Variants in SEC14L5 observed in about 807,000 individuals in gnomAD.
SEC14L5 encodes the protein SEC14 like lipid binding 5, also known as SEC14-like protein 5.
SEC14L5 carries 96 observed loss-of-function variants against 84.6 expected under a neutral mutation model. The observed-to-expected ratio is 1.13, with a 90% CI of 0.96 to 1.34. The LOEUF (loss-of-function observed/expected upper bound fraction) is 1.34. Ranked by LOEUF, SEC14L5 falls within the 40% of genes most tolerant of loss-of-function variation. The pLI is 0.00. For synonymous variants in SEC14L5, 546 were observed against 383.4 expected (o/e 1.42, Z -4.95); for missense variants, 1,224 against 942.5 (o/e 1.30, Z -3.91).
intron 6 of SEC14L5, among the ~76,000 whole-genome samples, chr16:4,994,825 A>T (rs561338897): frequency 6.6e-6 from 1 of 152,068 alleles, no homozygotes; most frequent in Admixed American, 6.6e-5. Context: ...ACAGGCACTC[A>T]GGGTGGCGGG....
At chr16:4,963,792 G>C (rs1955159559) in intron 2 of SEC14L5, among the ~76,000 whole-genome samples, 1 of 152,150 alleles carries the variant, frequency 6.6e-6, no homozygotes, top group African/African-American at 2.4e-5. Flanking sequence ...TACAGCCTTA[G>C]CTGGGAGTAC....
At chr16:5,013,722 C>G (rs59544550) in intron 15 of SEC14L5, among the ~76,000 whole-genome samples, 1 of 151,914 alleles carries the variant, frequency 6.6e-6, no homozygotes, top group South Asian at 2.1e-4. Context: ...CCACCCCTGG[C>G]TAATTTTTAT....
Position 5,016,891 on chromosome 16 carries a change from G to A in SEC14L5, c.*1921G>A, listed in dbSNP as rs1244773981. On this transcript the variant is annotated 3_prime_UTR_variant, in exon 16 of 16. Coordinates refer to ENST00000251170, the MANE Select transcript of SEC14L5 (RefSeq NM_014692.2). ...AACAAAATAGATTGCTTTGCACTCT[G>A]CGTCAAGGTGTGTGTGCACATGTGT... 6.6e-6 allele frequency: 1 copy of A among 152,196 alleles called. No homozygotes were observed. Among genetic ancestry groups the A allele is most frequent in the Non-Finnish European group, 1.5e-5 (1 of 68,044 alleles). 9.4% of individuals were successfully genotyped at this position (152,196 alleles called of 1,614,324 possible). A position where few individuals can be genotyped will look rare whatever the true frequency, so the allele number is the denominator to read the frequency against.
At chr16:5,006,273 C>A (rs1406419782) in intron 12 of SEC14L5, among the ~76,000 whole-genome samples, 2 of 152,194 alleles carry the variant, frequency 1.3e-5, no homozygotes, top group African/African-American at 4.8e-5. Flanking sequence ...TACTCTGGGT[C>A]CTTCAAACAT....
Position 5,000,678 on chromosome 16 carries a change from C to T in SEC14L5, c.994C>T (p.Arg332Cys), listed in dbSNP as rs190435131. The stretch of plus-strand genomic sequence containing the variant: ...AGATGGCCGCCCCCTCTACATCCTC[C>T]GCCTGGGCCAGATGGACACCAAAGG... Reference protein sequence around the residue: ...DIDGRPLYILRLGQMDTKGLM... With the variant: ...DIDGRPLYILCLGQMDTKGLM... Residue 332 changes from arginine to cysteine, a missense_variant, in exon 9 of 16, where the codon CGC (arginine) becomes TGC (cysteine). Arg to Cys is a radical substitution (Grantham distance 180). Transcript: ENST00000251170. 10 of 1,551,822 alleles carry T rather than the reference C, an allele frequency of 6.4e-6. No homozygotes were observed. Among genetic ancestry groups the T allele is most frequent in the East Asian group, 4.9e-5 (2 of 40,932 alleles).
Position 5,013,820 on chromosome 16 carries a change from A to G in SEC14L5, c.1980-1039A>G, listed in dbSNP as rs181555860. On this transcript the variant is annotated intron_variant, in intron 15 of 15. Coordinates refer to ENST00000251170, the MANE Select transcript of SEC14L5 (RefSeq NM_014692.2). The stretch of plus-strand genomic sequence containing the variant: ...CAATCCACCCACTTCGGCCTCCCAA[A>G]GGGCTGGGATTACAGGCATGAGCCA... Among the ~76,000 whole-genome samples, 3 of 152,138 alleles carry G rather than the reference A, an allele frequency of 2.0e-5. No individual in the cohort carries two copies. In the East Asian group the frequency reaches 5.8e-4, roughly 29 times the overall value.
intron 13 of SEC14L5, among the ~76,000 whole-genome samples, 152 bp downstream of exon 13, chr16:5,007,638 C>G (rs1290687009): frequency 2.1e-4 from 30 of 142,718 alleles, no homozygotes; most frequent in Non-Finnish European, 6.0e-5. Flanking sequence ...TGGAGTCTCG[C>G]TCTGTTGCCC....
intron 15 of SEC14L5, 88 bp from the exon 16 acceptor site, chr16:5,014,771 A>G: frequency 1.0e-6 from 1 of 980,836 alleles, no homozygotes; most frequent in Non-Finnish European, 1.6e-6. Flanking sequence ...CCTGATTTGC[A>G]GCATCAACAG....
rs113340559 is a variant in SEC14L5 at position 5,015,811 on chromosome 16, C to T, written c.*841C>T. ...CTGCTCTTTGTGGGGAACAGCACAT[C>T]CTGAAGTGAAAATCCATGTTCCCTG... On this transcript the variant is annotated 3_prime_UTR_variant, in exon 16 of 16. Coordinates refer to ENST00000251170, the MANE Select transcript of SEC14L5 (RefSeq NM_014692.2). The T allele has an allele frequency of 6.6e-6, 1 of 152,256 alleles. No homozygotes were observed. The highest frequency in any genetic ancestry group is 6.5e-5 in the Admixed American group (1 of 15,282). The allele number at this position is 152,256 out of a possible 1,614,324, so 9.4% of individuals were successfully genotyped here.
intron 2 of SEC14L5, among the ~76,000 whole-genome samples, chr16:4,974,859 C>A (rs1375446833): frequency 4.0e-5 from 6 of 151,462 alleles, no homozygotes; most frequent in Admixed American, 2.6e-4. Flanking sequence ...CTCACTGCAA[C>A]CTCTGCCTCC....
chr16:4,965,728 T>G (rs1174082732), intron 2 of SEC14L5, among the ~76,000 whole-genome samples: 2 of 146,440 alleles, frequency 1.4e-5, no homozygotes, highest in Admixed American at 6.8e-5. Flanking sequence ...ATTCAATGGG[T>G]TTTTGAAGAT....
chr16:4,976,367 G>A (rs1455990587), intron 2 of SEC14L5, among the ~76,000 whole-genome samples: 1 of 152,188 alleles, frequency 6.6e-6, no homozygotes, highest in African/African-American at 2.4e-5. Context: ...CATTCATCCT[G>A]TAAATGTCTA....
chr16:5,004,106 A>G (rs753437566), intron 11 of SEC14L5, among the ~76,000 whole-genome samples: 16 of 152,232 alleles, frequency 1.1e-4, no homozygotes, highest in Non-Finnish European at 1.8e-4. Context: ...GAACTGAAGA[A>G]ACAGTCCAGG....
At chr16:5,006,733 C>T (rs933595039) in intron 12 of SEC14L5, among the ~76,000 whole-genome samples, 2 of 152,234 alleles carry the variant, frequency 1.3e-5, no homozygotes, top group Non-Finnish European at 2.9e-5. Flanking sequence ...TGATGTGCGG[C>T]ACACACGACT....
At chr16:5,001,154 G>A (rs118095193) in intron 10 of SEC14L5, among the ~76,000 whole-genome samples, 1,573 of 152,126 alleles carry the variant, frequency 0.01, 16 homozygotes, top group Middle Eastern at 0.044. Flanking sequence ...CTTGTGAGCC[G>A]GTCAGGACAG....
chr16:5,004,303 G>A (rs569198603), intron 11 of SEC14L5, among the ~76,000 whole-genome samples: 1 of 152,264 alleles, frequency 6.6e-6, no homozygotes, highest in East Asian at 1.9e-4. Flanking sequence ...GGGGGCAGGA[G>A]CTGCTTCTGA....
In SEC14L5 at chr16:5,014,938, C is replaced by T; in HGVS notation, c.2059C>T (p.Gln687Ter). 1 of 1,612,464 alleles carries T rather than the reference C, an allele frequency of 6.2e-7. No individual in the cohort carries two copies. ...SAATSSSSSG[Q>*]SHSSSLVSR ...CGCCACCTCGTCCTCCTCCTCCGGC[C>T]AGTCTCATAGCAGCTCCCTGGTCTC... Residue 687 changes from glutamine (Q) to a stop codon, truncating the protein, a stop_gained, in exon 16 of 16, where the codon CAG becomes TAG. Coordinates refer to ENST00000251170, the MANE Select transcript of SEC14L5 (RefSeq NM_014692.2). LOFTEE classifies it high-confidence loss of function.
intron 11 of SEC14L5, among the ~76,000 whole-genome samples, chr16:5,003,883 C>A (rs1304424893): frequency 6.6e-6 from 1 of 152,224 alleles, no homozygotes; most frequent in Non-Finnish European, 1.5e-5. Flanking sequence ...GCCTTGGCTT[C>A]CCAAAGTGTT....
intron 2 of SEC14L5, among the ~76,000 whole-genome samples, chr16:4,978,728 G>T (rs565081411): frequency 6.6e-6 from 1 of 151,908 alleles, no homozygotes. Context: ...TCAGCCTCCC[G>T]AGTAGCTGGA....
Sources: gnomAD v4.1 joint callset for allele counts (sites outside exome capture counted in the v4.1 genomes callset) on GRCh38, gnomAD v4.1.1 for gene constraint, MANE v1.5 for transcripts, NCBI Gene and HGNC (gene_info 2026-07-23, HGNC 2026-07-21) for gene names.